The following STK32A variants were observed in gnomAD, a reference collection of about 807,000 sequenced individuals.
STK32A encodes serine/threonine-protein kinase 32A.
Under a neutral mutation model 53.2 loss-of-function variants are expected in STK32A, and 41 were observed. The ratio of observed to expected loss-of-function variants is 0.77; its 90% CI spans 0.60 to 1.00. The LOEUF is 1.00. STK32A is among the 50% of genes least tolerant of loss of function. STK32A has a pLI of 0.00. For missense variants in STK32A, 458 were observed against 485.8 expected, an observed-to-expected ratio of 0.94 and a Z score of 0.54; for synonymous variants, 166 against 162.8, an observed-to-expected ratio of 1.02 and a Z score of -0.15.
intron 2 of STK32A, among the ~76,000 whole-genome samples, chr5:147,270,972 C>A (rs1755001931): frequency 6.7e-6 from 1 of 149,604 alleles, no homozygotes; most frequent in Admixed American, 6.8e-5. Context: ...ATCAAGAATG[C>A]TCAAAGTAGT....
At chr5:147,330,007 C>T (rs967782952) in intron 5 of STK32A, among the ~76,000 whole-genome samples, 2 of 152,228 alleles carry the variant, frequency 1.3e-5, no homozygotes, top group Admixed American at 1.3e-4. Flanking sequence ...GGGTTCTGGT[C>T]TGCCTTTCCA....
chr5:147,236,885 C>T (rs1371357979), intron 1 of STK32A, among the ~76,000 whole-genome samples: 1 of 152,102 alleles, frequency 6.6e-6, no homozygotes, highest in East Asian at 1.9e-4. Context: ...TGAGAAAAAC[C>T]TGAGGTGTGA....
At chr5:147,281,167 GAAGGAACCAGTAAT>G (rs1367435552) in intron 4 of STK32A, among the ~76,000 whole-genome samples, 1 of 152,142 alleles carries the variant, frequency 6.6e-6, no homozygotes, top group Non-Finnish European at 1.5e-5. Flanking sequence ...ACCCAAGTGA[GAAGGAACCAGTAAT>G]ATGACAAAAC....
intron 2 of STK32A, among the ~76,000 whole-genome samples, chr5:147,255,320 T>G (rs1057158079): frequency 7.9e-5 from 12 of 152,184 alleles, no homozygotes; most frequent in African/African-American, 2.7e-4. Flanking sequence ...AAGAAGAAGC[T>G]TCTCTGGATA....
At chr5:147,243,749 GGCTT>G (rs1753673005) in intron 2 of STK32A, among the ~76,000 whole-genome samples, 2 of 111,006 alleles carry the variant, frequency 1.8e-5, no homozygotes, top group Admixed American at 9.2e-5. Context: ...AAAAAAAAAC[GGCTT>G]GCTTATTTGA....
intron 2 of STK32A, among the ~76,000 whole-genome samples, chr5:147,258,914 G>A (rs1340397511): frequency 6.6e-6 from 1 of 151,008 alleles, no homozygotes; most frequent in Non-Finnish European, 1.5e-5. Context: ...GGTATAGATG[G>A]CTTTTTTTTA....
chr5:147,310,433 A>C (rs1376050940), intron 4 of STK32A, among the ~76,000 whole-genome samples: 2 of 152,192 alleles, frequency 1.3e-5, no homozygotes, highest in Admixed American at 6.5e-5. Context: ...AAGGGTAGAC[A>C]ATACATTGTG....
chr5:147,324,157 A>G (rs1171804917), intron 5 of STK32A, 86 bp downstream of exon 5: 10 of 1,265,970 alleles, frequency 7.9e-6, no homozygotes, highest in African/African-American at 6.0e-5. Flanking sequence ...CTTATTGAAC[A>G]TGACATTTAA....
At chr5:147,376,371 A>G (rs1757232242) in intron 11 of STK32A, among the ~76,000 whole-genome samples, 1 of 152,064 alleles carries the variant, frequency 6.6e-6, no homozygotes, top group Non-Finnish European at 1.5e-5. Context: ...TCTGTTCCTC[A>G]TGATCATGTC....
intron 2 of STK32A, among the ~76,000 whole-genome samples, chr5:147,273,787 G>C (rs1267821502): frequency 6.6e-6 from 1 of 152,146 alleles, no homozygotes; most frequent in Non-Finnish European, 1.5e-5. Flanking sequence ...GACTAAACAA[G>C]TCTTTGCCTT....
At chr5:147,252,118 GCCTGGGCAACAGAGCAAGA>G (rs1379305722) in intron 2 of STK32A, among the ~76,000 whole-genome samples, 1 of 151,988 alleles carries the variant, frequency 6.6e-6, no homozygotes, top group Non-Finnish European at 1.5e-5. Context: ...CTGCACACTA[GCCTGGGCAACAGAGCAAGA>G]CCCTGTCTCA....
At position 147,352,108 on chromosome 5, in the gene STK32A, A is replaced by C. The variant is rs1276402341; in HGVS notation, c.562+954A>C. Among the ~76,000 whole-genome samples the C allele has an allele frequency of 3.9e-5, 6 of 152,290 alleles. No individual in the cohort carries two copies. In the East Asian group the frequency reaches 1.2e-3, roughly 30 times the overall value. Reference sequence around the variant, plus strand: ...GCATCTGTGGTCCCAGCTGCTTTGGAAGCCAAGGCAGGAGCATTGCTCGAG... The same window carrying C: ...GCATCTGTGGTCCCAGCTGCTTTGGCAGCCAAGGCAGGAGCATTGCTCGAG... On this transcript the variant is annotated intron_variant, in intron 7 of 12. Transcript: ENST00000397936.
At chr5:147,302,280 T>C (rs1753177590) in intron 4 of STK32A, among the ~76,000 whole-genome samples, 1 of 152,326 alleles carries the variant, frequency 6.6e-6, no homozygotes, top group East Asian at 1.9e-4. Context: ...TTTTCTGTTA[T>C]CAACATAAAG....
At chr5:147,401,475 A>T in the STK32A span, 11 of 1,514,624 alleles carry the variant, frequency 7.3e-6, no homozygotes, top group Non-Finnish European at 9.8e-6. Flanking sequence ...TCCTGTCCTC[A>T]ACCCCCAGCT....
intron 5 of STK32A, among the ~76,000 whole-genome samples, chr5:147,341,817 T>C (rs1755427748): frequency 6.6e-6 from 1 of 152,188 alleles, no homozygotes. Flanking sequence ...AAGTATCATG[T>C]TGGCCACTTC....
chr5:147,396,963 T>C, the STK32A span, among the ~76,000 whole-genome samples: 3 of 148,206 alleles, frequency 2.0e-5, no homozygotes, highest in African/African-American at 7.4e-5. Flanking sequence ...CGCATTTTTG[T>C]TTTTAATTAT....
intron 2 of STK32A, among the ~76,000 whole-genome samples, chr5:147,262,133 A>C (rs1387848086): frequency 6.6e-6 from 1 of 152,176 alleles, no homozygotes; most frequent in East Asian, 1.9e-4. Context: ...ATTAAAGAGC[A>C]GATACTGAGA....
chr5:147,322,280 C>A (rs1171003799), intron 4 of STK32A, among the ~76,000 whole-genome samples: 1 of 152,226 alleles, frequency 6.6e-6, no homozygotes, highest in African/African-American at 2.4e-5. Flanking sequence ...TCTGTCTAAA[C>A]TCCTCTAAGA....
intron 4 of STK32A, among the ~76,000 whole-genome samples, chr5:147,283,183 TC>T (rs1752147727): frequency 2.0e-5 from 3 of 152,162 alleles, no homozygotes; most frequent in African/African-American, 4.8e-5. Context: ...AATAACCTGC[TC>T]CTGAATGGCA....
Sources: allele counts gnomAD v4.1 joint callset (sites outside exome capture counted in the v4.1 genomes callset), GRCh38; gene constraint gnomAD v4.1.1; transcripts MANE v1.5; gene names NCBI Gene and HGNC (gene_info 2026-07-23, HGNC 2026-07-21).